The following KISS1 variants were observed in gnomAD, a reference collection of about 807,000 sequenced individuals.
KISS1 encodes the protein KiSS-1 metastasis suppressor, also known as metastasis-suppressor KiSS-1.
For missense variants in KISS1, 182 were observed against 182.7 expected (o/e 1.00, Z 0.02); for synonymous variants, 97 against 88.7 (o/e 1.09, Z -0.52).
chr1:204,193,102 T>C lies in KISS1; in HGVS notation c.-38-188A>G, dbSNP rs4951319. On this transcript the variant is annotated intron_variant, in intron 1 of 2. Coordinates refer to ENST00000367194, the MANE Select transcript of KISS1 (RefSeq NM_002256.4). ...AATGGGATTGAGACTCTTTACACAG[T>C]GTAGTTAAAGCTGAATTCATGCTAG... Among the ~76,000 whole-genome samples, 44,374 of 151,916 alleles carry C rather than the reference T, an allele frequency of 0.29. 6,779 individuals carry two copies. The highest frequency in any genetic ancestry group is 0.44 in the East Asian group (2,245 of 5,154).
rs36226771 is a variant in KISS1 at position 204,195,715 on chromosome 1, T to TCACA, written c.-39+657_-39+660dup. 7.9e-3 allele frequency among the ~76,000 whole-genome samples: 1,146 copies of TCACA among 144,918 alleles called. 10 individuals are homozygous for TCACA. Among genetic ancestry groups the TCACA allele is most frequent in the African/African-American group, 0.013 (515 of 39,048 alleles). ...ACACACATACACCCATACACACATA[T>TCACA]CACACACACACACACACACACACAC... On this transcript the variant is annotated intron_variant, in intron 1 of 2. Transcript: ENST00000367194.
intron 1 of KISS1, among the ~76,000 whole-genome samples, chr1:204,195,787 A>T (rs932053806): frequency 1.3e-5 from 2 of 152,066 alleles, no homozygotes; most frequent in African/African-American, 2.4e-5. Context: ...GGCACTTAAC[A>T]TATATGGTAG....
chr1:204,195,258 T>TATACACACATACACC (rs1558254669), intron 1 of KISS1, among the ~76,000 whole-genome samples: 4 of 26,046 alleles, frequency 1.5e-4, no homozygotes, highest in Admixed American at 4.6e-4. Flanking sequence ...TACACACACA[T>TATACACACATACACC]CATACACACA....
At chr1:204,193,175 G>T (rs1658776146) in intron 1 of KISS1, among the ~76,000 whole-genome samples, 1 of 152,196 alleles carries the variant, frequency 6.6e-6, no homozygotes, top group Non-Finnish European at 1.5e-5. Flanking sequence ...GGACAGTAAA[G>T]TTAGGAAAAA....
Position 204,190,409 on chromosome 1 carries a change from T to TTGGCCCCCCCCCCCC in KISS1, c.*74_*75insGGGGGGGGGGGGCCA. The TTGGCCCCCCCCCCCC allele has an allele frequency of 2.5e-5, 14 of 570,126 alleles. No individual in the cohort carries two copies. Among genetic ancestry groups the TTGGCCCCCCCCCCCC allele is most frequent in the East Asian group, 3.7e-5 (1 of 26,790 alleles). 35.3% of individuals were successfully genotyped at this position (570,126 alleles called of 1,614,324 possible). ...CAGCGCCCCCTCCCTTAGCCCTACG[T>TTGGCCCCCCCCCCCC]CCCCGCCCCCCGCCCCCGCCCCGCA... On this transcript the variant is annotated 3_prime_UTR_variant, in exon 3 of 3. Coordinates refer to ENST00000367194, the MANE Select transcript of KISS1 (RefSeq NM_002256.4).
At chr1:204,195,165 TACACCACACACACCACACATGCACACAC>T (rs1658814533) in intron 1 of KISS1, among the ~76,000 whole-genome samples, 1 of 5,900 alleles carries the variant, frequency 1.7e-4, no homozygotes, top group African/African-American at 6.5e-4. Context: ...ACCACACACA[TACACCACACACACCACACATGCACACAC>T]ACACCACACA....
Position 204,190,348 on chromosome 1 carries a change from C to A in KISS1, c.*136G>T. ...CCGCAGACCACACGTCAGTGAGTTA[C>A]GCAACATTTCTTTTATTGCCTCGGG... On this transcript the variant is annotated 3_prime_UTR_variant, in exon 3 of 3. Transcript: ENST00000367194. 2.1e-6 allele frequency: 2 copies of A among 930,444 alleles called. No individual in the cohort carries two copies. The highest frequency in any genetic ancestry group is 1.4e-5 in the South Asian group (1 of 71,012). 57.6% of individuals were successfully genotyped at this position (930,444 alleles called of 1,614,324 possible). A position where few individuals can be genotyped will look rare whatever the true frequency, so the allele number is the denominator to read the frequency against.
intron 1 of KISS1, among the ~76,000 whole-genome samples, chr1:204,194,944 A>C (rs1009184692): frequency 1.3e-5 from 2 of 152,022 alleles, no homozygotes; most frequent in Non-Finnish European, 2.9e-5. Flanking sequence ...CCAGACAGGA[A>C]TGTGGGTAGA....
Position 204,190,738 on chromosome 1 carries a change from C to G in KISS1, c.163G>C (p.Glu55Gln). The change falls in exon 3 of 3, where the codon GAG (glutamate) becomes CAG (glutamine). Residue 55 changes from glutamate (E) to glutamine (Q), a missense_variant. Coordinates refer to ENST00000367194, the MANE Select transcript of KISS1 (RefSeq NM_002256.4). ...APGEQSLPCT[E>Q]RKPAATARLS... ...CTGGCAGTAGCAGCTGGCTTCCTCT[C>G]GGTGCACGGCAGGCTCTGCTCCCCG... 6.2e-7 allele frequency: 1 copy of G among 1,610,576 alleles called. No homozygotes were observed. The highest frequency in any genetic ancestry group is 8.5e-7 in the Non-Finnish European group (1 of 1,179,324).
chr1:204,193,473 G>A (rs972261712), intron 1 of KISS1, among the ~76,000 whole-genome samples: 11 of 152,234 alleles, frequency 7.2e-5, no homozygotes, highest in Admixed American at 5.9e-4. Flanking sequence ...CCATCCATAC[G>A]CTTGAGTCTG....
At chr1:204,195,354 C>T (rs60437526) in intron 1 of KISS1, among the ~76,000 whole-genome samples, 1 of 146,194 alleles carries the variant, frequency 6.8e-6, no homozygotes, top group Non-Finnish European at 1.5e-5. Flanking sequence ...ACACACCACA[C>T]ACATATACAC....
chr1:204,190,651 G>A lies in KISS1; in HGVS notation c.250C>T (p.Pro84Ser). Reference sequence around the variant, plus strand: ...CGGCTGTGGGGGGCGGACAGGCCCGGCTGCTGGGGGCTCCCGGAGCTCTCG... The same window carrying A: ...CGGCTGTGGGGGGCGGACAGGCCCGACTGCTGGGGGCTCCCGGAGCTCTCG... Reference protein sequence around the residue: ...PPESSGSPQQPGLSAPHSRQI... With the variant: ...PPESSGSPQQSGLSAPHSRQI... The change falls in exon 3 of 3, where the codon CCG becomes TCG. Residue 84 changes from proline to serine, a missense_variant. Pro to Ser is a moderately conservative substitution (Grantham distance 74). Transcript: ENST00000367194. The A allele has an allele frequency of 6.3e-7, 1 of 1,584,074 alleles. No individual in the cohort carries two copies. Among genetic ancestry groups the A allele is most frequent in the Non-Finnish European group, 8.6e-7 (1 of 1,165,686 alleles).
Position 204,192,550 on chromosome 1 carries a change from G to A in KISS1, c.103+224C>T, listed in dbSNP as rs1392156883. Among the ~76,000 whole-genome samples, 1 of 152,176 alleles carries A rather than the reference G, an allele frequency of 6.6e-6. No homozygotes were observed. Among genetic ancestry groups the A allele is most frequent in the African/African-American group, 2.4e-5 (1 of 41,450 alleles). On this transcript the variant is annotated intron_variant, in intron 2 of 2. Transcript: ENST00000367194. The surrounding 1 kb of genome is among the most constrained non-coding windows in gnomAD (Gnocchi z 4.2). ...CATGAAAGAGCTCAAGGGTTAATAAGCCCTGGAACCTAGGTGGGCGGACTG... is the reference window on the plus strand; with the variant it reads ...CATGAAAGAGCTCAAGGGTTAATAAACCCTGGAACCTAGGTGGGCGGACTG...
chr1:204,192,708 A>G lies in KISS1; in HGVS notation c.103+66T>C. 1.0e-6 allele frequency: 1 copy of G among 955,308 alleles called. No individual in the cohort carries two copies. Among genetic ancestry groups the G allele is most frequent in the Non-Finnish European group, 1.7e-6 (1 of 601,110 alleles). The allele number at this position is 955,308 out of a possible 1,614,324, so 59.2% of individuals were successfully genotyped here. ...CACACCAGTCGACTAGATGGAAAAT[A>G]CGGGAAAGCTCATTTTGCAACAACC... is the stretch of plus-strand genomic sequence containing the variant. On this transcript the variant is annotated intron_variant, in intron 2 of 2. Transcript: ENST00000367194. The surrounding 1 kb of genome is among the most constrained non-coding windows in gnomAD (Gnocchi z 4.2).
At chr1:204,195,216 C>CACCACACACATATACACACAT (rs1558254578) in intron 1 of KISS1, among the ~76,000 whole-genome samples, 26 of 8,306 alleles carry the variant, frequency 3.1e-3, no homozygotes, top group Non-Finnish European at 3.9e-3. Context: ...TATATACGCA[C>CACCACACACATATACACACAT]ACACCCATAC....
chr1:204,196,179 C>G (rs891243541), intron 1 of KISS1, among the ~76,000 whole-genome samples, 197 bp downstream of exon 1: 1 of 152,186 alleles, frequency 6.6e-6, no homozygotes, highest in Admixed American at 6.5e-5. Flanking sequence ...AAATAAAGTG[C>G]GACTCAGTGT....
At position 204,192,054 on chromosome 1, in the gene KISS1, G is replaced by T. The variant is rs367998070; in HGVS notation, c.103+720C>A. On this transcript the variant is annotated intron_variant, in intron 2 of 2. Transcript: ENST00000367194. The surrounding 1 kb of genome is among the most constrained non-coding windows in gnomAD (Gnocchi z 4.2). ...GGGCATATACGATGACATCAAATGT[G>T]TAGAGGGCATGCCCCAAGTTTTATA... Among the ~76,000 whole-genome samples the T allele has an allele frequency of 1.3e-5, 2 of 152,204 alleles. No homozygotes were observed. Among genetic ancestry groups the T allele is most frequent in the African/African-American group, 4.8e-5 (2 of 41,448 alleles).
At chr1:204,195,197 CCA>C (rs1658817369) in intron 1 of KISS1, among the ~76,000 whole-genome samples, 3 of 18,502 alleles carry the variant, frequency 1.6e-4, no homozygotes, top group African/African-American at 6.4e-4. Context: ...CACACACACA[CCA>C]CACACATATA....
intron 1 of KISS1, among the ~76,000 whole-genome samples, chr1:204,194,954 A>T (rs943131075): frequency 2.6e-5 from 4 of 151,964 alleles, no homozygotes; most frequent in African/African-American, 9.7e-5. Context: ...ATGTGGGTAG[A>T]TGTACATTTC....
Sources: allele counts gnomAD v4.1 joint callset (sites outside exome capture counted in the v4.1 genomes callset), GRCh38; gene constraint gnomAD v4.1.1; non-coding constraint Gnocchi (gnomAD v3.1); transcripts MANE v1.5; gene names NCBI Gene and HGNC (gene_info 2026-07-23, HGNC 2026-07-21).